SIGLEC12: variants seen among roughly 807,000 people sequenced by gnomAD.
SIGLEC12 encodes sialic acid binding Ig like lectin 12, also known as sialic acid-binding Ig-like lectin 12.
Under a neutral mutation model 54.1 loss-of-function variants are expected in SIGLEC12, and 43 were observed. The ratio of observed to expected loss-of-function variants is 0.80; its 90% CI spans 0.62 to 1.03. The LOEUF is 1.03. Ranked by LOEUF, SIGLEC12 falls within the 50% of genes least tolerant of loss-of-function variation. SIGLEC12 has a pLI of 0.00. For missense variants in SIGLEC12, 802 were observed against 735.2 expected, an observed-to-expected ratio of 1.09 and a Z score of -1.05; for synonymous variants, 357 against 307.6, an observed-to-expected ratio of 1.16 and a Z score of -1.68.
chr19:51,499,696 AG>A lies in SIGLEC12; in HGVS notation c.828del (p.Phe277SerfsTer15), dbSNP rs756088752. ...GACTCCAGGGTCCCCGGGATGGAGA[AG>A]GTGGGCATGTGAGTCAGGGCTGGTG... ...VHVTALTHMP[T>X]FSIPGTLESG... On this transcript the variant is annotated frameshift_variant, in exon 3 of 8. Transcript: ENST00000291707. LOFTEE classifies it high-confidence loss of function. 157 of 1,613,942 alleles carry A rather than the reference AG, an allele frequency of 9.7e-5. No individual in the cohort carries two copies. Among genetic ancestry groups the A allele is most frequent in the Non-Finnish European group, 1.3e-4 (157 of 1,179,984 alleles).
intron 7 of SIGLEC12, 112 bp from the exon 8 acceptor site, chr19:51,491,941 T>C: frequency 1.3e-6 from 1 of 771,848 alleles, no homozygotes; most frequent in African/African-American, 1.8e-5. Context: ...CCATGTGCAC[T>C]TTGCTGAAAT....
chr19:51,491,411 T>G lies in SIGLEC12; in HGVS notation c.*230A>C. 1.9e-6 allele frequency: 1 copy of G among 515,260 alleles called. No homozygotes were observed. Among genetic ancestry groups the G allele is most frequent in the African/African-American group, 2.0e-5 (1 of 50,850 alleles). 31.9% of individuals were successfully genotyped at this position (515,260 alleles called of 1,614,324 possible). On this transcript the variant is annotated 3_prime_UTR_variant, in exon 8 of 8. Transcript: ENST00000291707. ...CCTAAAATAGTCGACCTCAGAGAAG[T>G]AGAGAAGAGAATGGTGGGTACCAGA... is the stretch of plus-strand genomic sequence containing the variant.
Position 51,500,091 on chromosome 19 carries a change from G to C in SIGLEC12, c.637C>G (p.Gln213Glu), listed in dbSNP as rs1455324966. 6.2e-7 allele frequency: 1 copy of C among 1,614,162 alleles called. No homozygotes were observed. Among genetic ancestry groups the C allele is most frequent in the South Asian group, 1.1e-5 (1 of 91,086 alleles). Residue 213 changes from glutamine to glutamate, a missense_variant, in exon 2 of 8, where the codon CAA (glutamine) becomes GAA (glutamate). Transcript: ENST00000291707. ...AGGAATCGACCGTGGGTATCCTCTTGCACTTTTCCACTTGGGGTGTTTGTG... is the reference window on the plus strand; with the variant it reads ...AGGAATCGACCGTGGGTATCCTCTTCCACTTTTCCACTTGGGGTGTTTGTG... ...VATNTPSGKV[Q>E]EDTHGRFLLL...
intron 7 of SIGLEC12, among the ~76,000 whole-genome samples, chr19:51,492,528 G>A (rs969845685): frequency 2.0e-5 from 3 of 152,164 alleles, no homozygotes; most frequent in Admixed American, 2.0e-4. Flanking sequence ...CTGTTGATCT[G>A]TTACCTTACA....
intron 7 of SIGLEC12, 109 bp from the exon 8 acceptor site, chr19:51,491,938 C>T: frequency 2.5e-6 from 2 of 808,780 alleles, no homozygotes; most frequent in Non-Finnish European, 3.7e-6. Flanking sequence ...ATCCCATGTG[C>T]ACTTTGCTGA....
intron 1 of SIGLEC12, 31 bp from the exon 2 acceptor site, chr19:51,500,331 C>A (rs1263542398): frequency 1.9e-6 from 3 of 1,614,120 alleles, no homozygotes; most frequent in East Asian, 2.2e-5. Flanking sequence ...GCCCAGCCCC[C>A]ACTGTCCCTC....
At position 51,498,267 on chromosome 19, in the gene SIGLEC12, C is replaced by T. The variant is rs1990298619; in HGVS notation, c.1156G>A (p.Gly386Ser). The change falls in exon 5 of 8, where the codon GGC (glycine) becomes AGC (serine). Residue 386 changes from glycine (G) to serine (S), a missense_variant. Transcript: ENST00000291707. ...CCCTCCAGGACTGAAAGGGCCGAGC[C>T]ATTCCTCAAGGTTGTGGATGCTGTA... ...DGTASTTLRN[G>S]SALSVLEGQS... 6.2e-7 allele frequency: 1 copy of T among 1,610,712 alleles called. No homozygotes were observed. Among genetic ancestry groups the T allele is most frequent in the East Asian group, 2.2e-5 (1 of 44,790 alleles).
intron 7 of SIGLEC12, among the ~76,000 whole-genome samples, chr19:51,493,404 C>T (rs933576332): frequency 6.6e-6 from 1 of 152,136 alleles, no homozygotes; most frequent in African/African-American, 2.4e-5. Context: ...GTCTTCATGC[C>T]ATCAATAAAC....
Position 51,500,056 on chromosome 19 carries a change from C to G in SIGLEC12, c.672G>C (p.Gly224=). Reference sequence around the variant, plus strand: ...GGGAGCAGTTGTTGGTCTGTGGGTCCCCAAGGAGGAGGAATCGACCGTGGG... The same window carrying G: ...GGGAGCAGTTGTTGGTCTGTGGGTCGCCAAGGAGGAGGAATCGACCGTGGG... The part of the protein sequence containing the change: ...EDTHGRFLLL[G]DPQTNNCSLS... The change falls in exon 2 of 8, where the codon GGG becomes GGC. Residue 224 remains glycine, a synonymous_variant. Transcript: ENST00000291707. 1.2e-6 allele frequency: 2 copies of G among 1,614,102 alleles called. No homozygotes were observed. The highest frequency in any genetic ancestry group is 1.7e-6 in the Non-Finnish European group (2 of 1,179,982).
rs867602870 is a variant in SIGLEC12, at chr19:51,495,306, C to T, written c.1599+1574G>A. ...ATGGATGGATGGATGGACGGACGGA[C>T]GGGTGGGTGGATGGATGGATGGATG... On this transcript the variant is annotated intron_variant, in intron 7 of 7. Transcript: ENST00000291707. Among the ~76,000 whole-genome samples, 120 of 23,908 alleles carry T rather than the reference C, an allele frequency of 5.0e-3. 1 individual carries two copies. The highest frequency in any genetic ancestry group is 6.6e-3 in the Admixed American group (13 of 1,960). The allele number at this position is 23,908 out of a possible 152,430, so 15.7% of individuals were successfully genotyped here. A position where few individuals can be genotyped will look rare whatever the true frequency, so the allele number is the denominator to read the frequency against.
At chr19:51,499,275 T>C (rs1990325303) in intron 3 of SIGLEC12, 58 bp from the exon 4 acceptor site, 4 of 1,602,538 alleles carry the variant, frequency 2.5e-6, no homozygotes, top group Non-Finnish European at 3.4e-6. Context: ...ACTGACCCTG[T>C]CTCCCCAGGA....
intron 2 of SIGLEC12, 98 bp from the exon 3 acceptor site, chr19:51,499,814 G>T (rs1990343627): frequency 3.2e-6 from 5 of 1,553,532 alleles, no homozygotes; most frequent in Non-Finnish European, 2.6e-6. Flanking sequence ...CCCTGAGCCA[G>T]ATATGCTTCA....
At chr19:51,494,659 A>G (rs906160967) in intron 7 of SIGLEC12, among the ~76,000 whole-genome samples, 1 of 152,268 alleles carries the variant, frequency 6.6e-6, no homozygotes, top group African/African-American at 2.4e-5. Flanking sequence ...AGATATTTGC[A>G]TGCCCATGCT....
At position 51,501,610 on chromosome 19, in the gene SIGLEC12, CAG is replaced by C. The variant is rs752417488; in HGVS notation, c.122_123del (p.Ser41CysfsTer74). On this transcript the variant is annotated frameshift_variant, in exon 1 of 8. Transcript: ENST00000291707. LOFTEE classifies it high-confidence loss of function. ...TGGGGGTAGGAGAAGGAGCAAAGCA[CAG>C]AGACACACAGGCCCTCCTGCACCGT... ...SVTVQEGLCV[S>X]VLCSFSYPQN... 6.2e-7 allele frequency: 1 copy of C among 1,614,122 alleles called. No homozygotes were observed. The highest frequency in any genetic ancestry group is 1.7e-5 in the Admixed American group (1 of 60,018).
In SIGLEC12 at chr19:51,497,202, A is replaced by G. The variant is rs1398866844; in HGVS notation, c.1502+147T>C. 5 of 891,622 alleles carry G rather than the reference A, an allele frequency of 5.6e-6. No homozygotes were observed. The African/African-American group carries it at 6.8e-5, about 12-fold the overall frequency. The allele number at this position is 891,622 out of a possible 1,614,324, so 55.2% of individuals were successfully genotyped here. On this transcript the variant is annotated intron_variant, in intron 6 of 7. Transcript: ENST00000291707. ...TGGAGCTCCACAAACAGGGGCGCTC[A>G]TGAAATTCTTACCATGCACCCATGA...
At chr19:51,499,095 AC>A in intron 4 of SIGLEC12, 74 bp downstream of exon 4, 1 of 1,524,230 alleles carries the variant, frequency 6.6e-7, no homozygotes, top group South Asian at 1.1e-5. Context: ...GTCTCAGGTC[AC>A]CAGGGTGAGT....
chr19:51,500,365 C>T (rs1224877162), intron 1 of SIGLEC12, 65 bp from the exon 2 acceptor site: 3 of 1,613,288 alleles, frequency 1.9e-6, no homozygotes, highest in East Asian at 4.5e-5. Flanking sequence ...ATAGCAGGGG[C>T]AGCAGCATCT....
At chr19:51,496,768 G>T in intron 7 of SIGLEC12, 112 bp downstream of exon 7, 1 of 1,204,464 alleles carries the variant, frequency 8.3e-7, no homozygotes, top group Non-Finnish European at 1.2e-6. Context: ...TGGACAGGAC[G>T]TGATTTTTCG....
intron 4 of SIGLEC12, among the ~76,000 whole-genome samples, chr19:51,498,712 C>T (rs929846421): frequency 3.9e-5 from 6 of 152,182 alleles, no homozygotes; most frequent in African/African-American, 1.4e-4. Flanking sequence ...CTACTGACAT[C>T]AAACCACCTC....
Sources: gnomAD v4.1 joint callset for allele counts (sites outside exome capture counted in the v4.1 genomes callset) on GRCh38, gnomAD v4.1.1 for gene constraint, MANE v1.5 for transcripts, NCBI Gene and HGNC (gene_info 2026-07-23, HGNC 2026-07-21) for gene names.